CNTNAP2: variants seen among roughly 807,000 people sequenced by gnomAD.
CNTNAP2 encodes the protein contactin-associated protein-like 2.
CNTNAP2 carries 98 observed loss-of-function variants against 155.2 expected under a neutral mutation model. The observed-to-expected ratio is 0.63, with a 90% confidence interval of 0.54 to 0.75. CNTNAP2 has a LOEUF of 0.75. CNTNAP2 is among the 30% of genes least tolerant of loss of function. CNTNAP2 has a pLI of 0.00. For synonymous variants in CNTNAP2, 651 were observed against 631.2 expected, an observed-to-expected ratio of 1.03 and a Z score of -0.47; for missense variants, 1,727 against 1,688.1, an observed-to-expected ratio of 1.02 and a Z score of -0.40.
chr7:146,423,446 G>T (rs1256032873), intron 1 of CNTNAP2, among the ~76,000 whole-genome samples: 1 of 152,162 alleles, frequency 6.6e-6, no homozygotes, highest in Admixed American at 6.6e-5. Flanking sequence ...GGAAGAAAAT[G>T]TCAGAAGTTT....
At chr7:147,376,749 C>A (rs892984955) in intron 9 of CNTNAP2, among the ~76,000 whole-genome samples, 1 of 151,830 alleles carries the variant, frequency 6.6e-6, no homozygotes, top group Non-Finnish European at 1.5e-5. Context: ...ACATGATGCA[C>A]AATAACTTAA....
chr7:148,319,817 G>T (rs954951574), intron 21 of CNTNAP2, among the ~76,000 whole-genome samples: 1 of 151,636 alleles, frequency 6.6e-6, no homozygotes, highest in African/African-American at 2.4e-5. Flanking sequence ...CCTTGATTCT[G>T]CATTATAGTA....
intron 1 of CNTNAP2, among the ~76,000 whole-genome samples, chr7:146,639,263 G>C (rs1272023430): frequency 1.3e-5 from 2 of 152,106 alleles, no homozygotes; most frequent in African/African-American, 4.8e-5. Context: ...TAAAAGTTCT[G>C]TTCACTACTT....
rs931690435 is a variant in CNTNAP2, at chr7:146,866,879, G to A, written c.402+26975G>A. ...ACAAGATAGATGTATAATATACCAC[G>A]GTAGAAACATAACTTCGATAGGGTC... On this transcript the variant is annotated intron_variant, in intron 3 of 23. Transcript: ENST00000361727. Among the ~76,000 whole-genome samples, 9 of 152,018 alleles carry A rather than the reference G, an allele frequency of 5.9e-5. No individual in the cohort carries two copies. The East Asian group carries it at 1.4e-3, about 23-fold the overall frequency.
chr7:146,590,342 C>G (rs777671095), intron 1 of CNTNAP2, among the ~76,000 whole-genome samples: 19 of 152,076 alleles, frequency 1.2e-4, no homozygotes, highest in Non-Finnish European at 2.9e-5. Context: ...CACACAATTT[C>G]AACATCAGTG....
chr7:146,903,927 T>A (rs1796060625), intron 3 of CNTNAP2, among the ~76,000 whole-genome samples: 1 of 152,138 alleles, frequency 6.6e-6, no homozygotes, highest in South Asian at 2.1e-4. Flanking sequence ...TAATTTGAGT[T>A]TTTCTCTACT....
rs137977529 is a variant in CNTNAP2 at position 147,347,420 on chromosome 7, TTATA to T, written c.1498+47146_1498+47149del. 7.8e-3 allele frequency among the ~76,000 whole-genome samples: 939 copies of T among 120,732 alleles called. 21 individuals are homozygous for T. The highest frequency in any genetic ancestry group is 0.029 in the African/African-American group (830 of 28,152). 79.2% of individuals were successfully genotyped at this position (120,732 alleles called of 152,430 possible). A position where few individuals can be genotyped will look rare whatever the true frequency, so the allele number is the denominator to read the frequency against. ...CTGTATTTCCTCTTATGTGAAAAGATTATATATATATATATATATGCATATATAT... is the reference window on the plus strand; with the variant it reads ...CTGTATTTCCTCTTATGTGAAAAGATTATATATATATATATGCATATATAT... On this transcript the variant is annotated intron_variant, in intron 9 of 23. Coordinates refer to ENST00000361727, the MANE Select transcript of CNTNAP2 (RefSeq NM_014141.6).
intron 3 of CNTNAP2, among the ~76,000 whole-genome samples, chr7:146,876,307 G>C (rs1024342922): frequency 6.6e-6 from 1 of 151,726 alleles, no homozygotes; most frequent in African/African-American, 2.4e-5. Context: ...AGTCCCCCAG[G>C]GCATGTTCTT....
At chr7:147,149,601 A>C (rs1305754120) in intron 8 of CNTNAP2, among the ~76,000 whole-genome samples, 1 of 152,184 alleles carries the variant, frequency 6.6e-6, no homozygotes, top group Non-Finnish European at 1.5e-5. Context: ...ATTGAATGAT[A>C]TGATTTTTAA....
At chr7:147,955,251 T>C (rs944049260) in intron 14 of CNTNAP2, among the ~76,000 whole-genome samples, 1 of 152,220 alleles carries the variant, frequency 6.6e-6, no homozygotes, top group Non-Finnish European at 1.5e-5. Context: ...GAGTTTTACA[T>C]ATCAGAATTT....
intron 1 of CNTNAP2, among the ~76,000 whole-genome samples, chr7:146,178,800 G>A (rs138582078): frequency 2.6e-5 from 4 of 152,106 alleles, no homozygotes; most frequent in Non-Finnish European, 4.4e-5. Flanking sequence ...TTTCAGTTCT[G>A]TTCTTATCAT....
intron 21 of CNTNAP2, among the ~76,000 whole-genome samples, chr7:148,363,832 G>A (rs1469230461): frequency 1.4e-5 from 2 of 143,582 alleles, no homozygotes; most frequent in Non-Finnish European, 1.6e-5. Context: ...AGGCACGAGC[G>A]GGAACTGGGG....
intron 15 of CNTNAP2, among the ~76,000 whole-genome samples, chr7:148,099,873 T>G (rs57627955): frequency 1.1e-3 from 145 of 138,050 alleles, no homozygotes; most frequent in African/African-American, 3.6e-3. Flanking sequence ...TTTTGGTTTT[T>G]TTTTTTTTTT....
intron 9 of CNTNAP2, among the ~76,000 whole-genome samples, chr7:147,322,078 T>C (rs1795361708): frequency 6.6e-6 from 1 of 152,188 alleles, no homozygotes; most frequent in Non-Finnish European, 1.5e-5. Context: ...ATATCCCAAA[T>C]GGCAATTTGA....
At chr7:147,502,074 C>T (rs1378060293) in intron 11 of CNTNAP2, among the ~76,000 whole-genome samples, 1 of 152,030 alleles carries the variant, frequency 6.6e-6, no homozygotes, top group Non-Finnish European at 1.5e-5. Context: ...GTGAAGACGA[C>T]ACAAATAGAT....
At chr7:147,503,024 G>A (rs2116672229) in intron 11 of CNTNAP2, among the ~76,000 whole-genome samples, 1 of 152,180 alleles carries the variant, frequency 6.6e-6, no homozygotes, top group Middle Eastern at 3.4e-3. Flanking sequence ...TTGATTTCTA[G>A]GGCTGCCATT....
intron 1 of CNTNAP2, among the ~76,000 whole-genome samples, chr7:146,241,902 C>T (rs1312135836): frequency 6.6e-6 from 1 of 151,842 alleles, no homozygotes; most frequent in African/African-American, 2.4e-5. Context: ...AAAATACTAC[C>T]TAGAAGCCTA....
At chr7:147,600,256 G>A (rs1325783237) in intron 12 of CNTNAP2, among the ~76,000 whole-genome samples, 1 of 152,116 alleles carries the variant, frequency 6.6e-6, no homozygotes, top group African/African-American at 2.4e-5. Context: ...CAGAGCAAAA[G>A]TATTTTTCTT....
intron 13 of CNTNAP2, among the ~76,000 whole-genome samples, chr7:147,882,935 GTTTA>G (rs948662638): frequency 6.6e-5 from 10 of 152,196 alleles, no homozygotes; most frequent in Non-Finnish European, 1.2e-4. Flanking sequence ...GTGTATGTGT[GTTTA>G]TTTAAGATTC....
Sources: gnomAD v4.1 joint callset for allele counts (sites outside exome capture counted in the v4.1 genomes callset) on GRCh38, gnomAD v4.1.1 for gene constraint, MANE v1.5 for transcripts, NCBI Gene and HGNC (gene_info 2026-07-23, HGNC 2026-07-21) for gene names.